SRRM4: variants seen among roughly 807,000 people sequenced by gnomAD.
The protein encoded by SRRM4 is serine/arginine repetitive matrix protein 4.
Under a neutral mutation model 68.9 loss-of-function variants are expected in SRRM4, and 33 were observed. The ratio of observed to expected loss-of-function variants is 0.48; its 90% CI spans 0.36 to 0.64. SRRM4 has a LOEUF of 0.64. SRRM4 is among the 30% of genes least tolerant of loss of function. The pLI, the probability that SRRM4 is intolerant of heterozygous loss-of-function variation, is 0.00. For synonymous variants in SRRM4, 318 were observed against 318.8 expected, an observed-to-expected ratio of 1.00 and a Z score of 0.03; for missense variants, 817 against 827.1, an observed-to-expected ratio of 0.99 and a Z score of 0.15.
intron 1 of SRRM4, among the ~76,000 whole-genome samples, chr12:119,020,913 A>G (rs1485578783): frequency 6.6e-6 from 1 of 152,110 alleles, no homozygotes; most frequent in Admixed American, 6.5e-5. Context: ...GGTAGACAGG[A>G]AAAGGAGATG....
At chr12:119,067,372 C>A (rs538685037) in intron 1 of SRRM4, among the ~76,000 whole-genome samples, 14 of 152,254 alleles carry the variant, frequency 9.2e-5, no homozygotes, top group Non-Finnish European at 1.6e-4. Flanking sequence ...GGTTCGTTAT[C>A]TTTTCATGAG....
intron 1 of SRRM4, among the ~76,000 whole-genome samples, chr12:119,022,739 C>A (rs766460334): frequency 1.3e-5 from 2 of 152,178 alleles, no homozygotes; most frequent in East Asian, 1.9e-4. Context: ...CCCAGAGAAC[C>A]TTTATCAATT....
Position 119,077,187 on chromosome 12 carries a change from A to C in SRRM4, c.132-25049A>C, listed in dbSNP as rs139597766. Among the ~76,000 whole-genome samples the C allele has an allele frequency of 2.8e-4, 43 of 152,320 alleles. No homozygotes were observed. In the East Asian group the frequency reaches 7.7e-3, roughly 27 times the overall value. On this transcript the variant is annotated intron_variant, in intron 1 of 12. Transcript: ENST00000267260. Reference sequence around the variant, plus strand: ...ACTGGGTCCCTACCTACAGAATGGCAATAAAATTCTCAAACTTTAGAAAGT... The same window carrying C: ...ACTGGGTCCCTACCTACAGAATGGCCATAAAATTCTCAAACTTTAGAAAGT...
intron 7 of SRRM4, among the ~76,000 whole-genome samples, chr12:119,128,044 T>TC (rs1191663507): frequency 3.3e-5 from 5 of 152,074 alleles, no homozygotes; most frequent in African/African-American, 4.8e-5. Context: ...GATTTTTAAA[T>TC]CCCCCCAGGT....
At chr12:119,071,432 T>C (rs574392286) in intron 1 of SRRM4, among the ~76,000 whole-genome samples, 2 of 152,336 alleles carry the variant, frequency 1.3e-5, no homozygotes, top group East Asian at 3.9e-4. Context: ...TCTATGCCTG[T>C]AACAACTCAG....
chr12:119,085,729 A>G (rs1189890389), intron 1 of SRRM4, among the ~76,000 whole-genome samples: 1 of 152,156 alleles, frequency 6.6e-6, no homozygotes, highest in Non-Finnish European at 1.5e-5. Context: ...GTCAGGGTGA[A>G]AGCTAAAAGC....
At position 119,154,148 on chromosome 12, in the gene SRRM4, G is replaced by T; in HGVS notation, c.1392-95G>T. 2.5e-6 allele frequency: 3 copies of T among 1,189,858 alleles called. No homozygotes were observed. Among genetic ancestry groups the T allele is most frequent in the Non-Finnish European group, 3.6e-6 (3 of 834,476 alleles). 73.7% of individuals were successfully genotyped at this position (1,189,858 alleles called of 1,614,324 possible). A position where few individuals can be genotyped will look rare whatever the true frequency, so the allele number is the denominator to read the frequency against. On this transcript the variant is annotated intron_variant, in intron 11 of 12. Coordinates refer to ENST00000267260, the MANE Select transcript of SRRM4 (RefSeq NM_194286.4). The surrounding 1 kb of genome is among the most constrained non-coding windows in gnomAD (Gnocchi z 4.7). ...TGCAGACCCCATCCCGTGACCCAGTGGGGTGGGAAAGAAAGGGAGTGTCCC... is the reference window on the plus strand; with the variant it reads ...TGCAGACCCCATCCCGTGACCCAGTTGGGTGGGAAAGAAAGGGAGTGTCCC...
chr12:119,008,906 A>T (rs1244957719), intron 1 of SRRM4, among the ~76,000 whole-genome samples: 4 of 151,712 alleles, frequency 2.6e-5, no homozygotes, highest in Non-Finnish European at 5.9e-5. Flanking sequence ...GAGGAGGAGG[A>T]GGCAGGGCCG....
intron 12 of SRRM4, 50 bp from the exon 13 acceptor site, chr12:119,156,445 G>T: frequency 6.6e-7 from 1 of 1,523,600 alleles, no homozygotes; most frequent in Non-Finnish European, 8.8e-7. Flanking sequence ...CTCGCTGCGG[G>T]GAGGCACGGA....
intron 1 of SRRM4, among the ~76,000 whole-genome samples, chr12:119,009,535 G>C (rs897473232): frequency 1.3e-5 from 2 of 152,224 alleles, no homozygotes; most frequent in Non-Finnish European, 2.9e-5. Flanking sequence ...TCAAGAGCAA[G>C]GCTTTGATCT....
intron 8 of SRRM4, among the ~76,000 whole-genome samples, chr12:119,137,731 T>C (rs1319321056): frequency 3.9e-5 from 6 of 152,158 alleles, no homozygotes; most frequent in African/African-American, 1.4e-4. Flanking sequence ...AAACATTTTG[T>C]ATTTAAAATT....
chr12:119,048,599 G>A (rs1461657978), intron 1 of SRRM4, among the ~76,000 whole-genome samples: 1 of 152,064 alleles, frequency 6.6e-6, no homozygotes, highest in East Asian at 1.9e-4. Context: ...AATTCTCTGA[G>A]CCTTGGTCTC....
intron 9 of SRRM4, among the ~76,000 whole-genome samples, chr12:119,146,225 G>A (rs1954400550): frequency 6.6e-6 from 1 of 152,124 alleles, no homozygotes; most frequent in Admixed American, 6.5e-5. Context: ...CAGGTTATTG[G>A]TATCAGGAGA....
intron 1 of SRRM4, among the ~76,000 whole-genome samples, chr12:119,014,059 T>G (rs1953466326): frequency 2.0e-5 from 3 of 152,354 alleles, no homozygotes; most frequent in Admixed American, 2.0e-4. Flanking sequence ...CTATCCATTC[T>G]GAGAGTTAGA....
intron 1 of SRRM4, among the ~76,000 whole-genome samples, chr12:119,065,270 A>G (rs904577141): frequency 6.6e-5 from 10 of 152,154 alleles, no homozygotes; most frequent in Non-Finnish European, 1.3e-4. Context: ...CACTGTTCTG[A>G]GTTGACCCCT....
At chr12:119,100,713 C>T (rs1954073233) in intron 1 of SRRM4, among the ~76,000 whole-genome samples, 1 of 152,234 alleles carries the variant, frequency 6.6e-6, no homozygotes, top group African/African-American at 2.4e-5. Flanking sequence ...AAGAGGCAAG[C>T]CTTGCTGGGT....
chr12:119,037,275 A>G (rs1434636627), intron 1 of SRRM4, among the ~76,000 whole-genome samples: 1 of 152,142 alleles, frequency 6.6e-6, no homozygotes, highest in Non-Finnish European at 1.5e-5. Context: ...ATACCATACC[A>G]TGTGAGGCGG....
rs1954522350 is a variant in SRRM4 at position 119,162,671 on chromosome 12, C to G, written c.*5873C>G. On this transcript the variant is annotated 3_prime_UTR_variant, in exon 13 of 13. Transcript: ENST00000267260. ...TATTTTTTTTTCTCCCAATTCTTAG[C>G]TATTTCCTCAAGCAATGATTGGCCA... is the stretch of plus-strand genomic sequence containing the variant. 1 of 152,092 alleles carries G rather than the reference C, an allele frequency of 6.6e-6. No individual in the cohort carries two copies. The highest frequency in any genetic ancestry group is 2.4e-5 in the African/African-American group (1 of 41,406). The allele number at this position is 152,092 out of a possible 1,614,324, so 9.4% of individuals were successfully genotyped here.
At chr12:119,072,764 G>A (rs560677140) in intron 1 of SRRM4, among the ~76,000 whole-genome samples, 1 of 152,248 alleles carries the variant, frequency 6.6e-6, no homozygotes, top group Non-Finnish European at 1.5e-5. Flanking sequence ...CTACTAACTA[G>A]CTTGTTTTTG....
Sources: allele counts gnomAD v4.1 joint callset (sites outside exome capture counted in the v4.1 genomes callset), GRCh38; gene constraint gnomAD v4.1.1; non-coding constraint Gnocchi (gnomAD v3.1); transcripts MANE v1.5; gene names NCBI Gene and HGNC (gene_info 2026-07-23, HGNC 2026-07-21).